PEAK1: variants seen among roughly 807,000 people sequenced by gnomAD.
PEAK1 encodes the protein inactive tyrosine-protein kinase PEAK1.
A neutral mutation model predicts 124.7 loss-of-function variants in PEAK1; 54 were observed. The ratio of observed to expected loss-of-function variants is 0.43; its 90% CI spans 0.35 to 0.54. The LOEUF (loss-of-function observed/expected upper bound fraction) is 0.54. PEAK1 is among the 20% of genes least tolerant of loss of function. The probability of loss-of-function intolerance (pLI) is 0.01; values close to 1 mark genes in which losing one functional copy is unlikely to be tolerated. For synonymous variants in PEAK1, 719 were observed against 760.0 expected, an observed-to-expected ratio of 0.95 and a Z score of 0.89; for missense variants, 2,046 against 2,134.5, an observed-to-expected ratio of 0.96 and a Z score of 0.82.
At chr15:77,414,018 T>C (rs2072627773) in intron 1 of PEAK1, among the ~76,000 whole-genome samples, 1 of 151,982 alleles carries the variant, frequency 6.6e-6, no homozygotes, top group Non-Finnish European at 1.5e-5. Context: ...AGATGAGGCC[T>C]CCCTATGTCG....
At chr15:77,205,565 T>C (rs905110353) in intron 6 of PEAK1, among the ~76,000 whole-genome samples, 1 of 152,186 alleles carries the variant, frequency 6.6e-6, no homozygotes, top group African/African-American at 2.4e-5. Flanking sequence ...GGCTCATGGC[T>C]CTCCTTATCA....
intron 5 of PEAK1, among the ~76,000 whole-genome samples, chr15:77,275,527 C>G (rs900716620): frequency 6.6e-6 from 1 of 151,894 alleles, no homozygotes; most frequent in Admixed American, 6.6e-5. Context: ...ACCATCCTGG[C>G]TAACACGGTG....
intron 6 of PEAK1, among the ~76,000 whole-genome samples, chr15:77,188,369 A>C (rs2057655262): frequency 1.3e-5 from 2 of 152,206 alleles, no homozygotes; most frequent in African/African-American, 2.4e-5. Flanking sequence ...CACCCCTGCA[A>C]AGCAGCACCG....
rs994451676 is a variant in PEAK1 at position 77,112,839 on chromosome 15, A to C, written c.*1317T>G. The C allele has an allele frequency of 6.6e-6, 1 of 152,204 alleles. No individual in the cohort carries two copies. The highest frequency in any genetic ancestry group is 1.5e-5 in the Non-Finnish European group (1 of 68,040). 9.4% of individuals were successfully genotyped at this position (152,204 alleles called of 1,614,324 possible). On this transcript the variant is annotated 3_prime_UTR_variant, in exon 10 of 10. Transcript: ENST00000682557. ...ATATACAGCTAAAAAAATACATACAAAAATTGCACACATATCCATAGAAGG... is the reference window on the plus strand; with the variant it reads ...ATATACAGCTAAAAAAATACATACACAAATTGCACACATATCCATAGAAGG...
rs772953814 is a variant in PEAK1, at chr15:77,133,204, A to G, written c.3878T>C (p.Leu1293Pro). The G allele has an allele frequency of 6.2e-7, 1 of 1,614,208 alleles. No individual in the cohort carries two copies. The highest frequency in any genetic ancestry group is 8.5e-7 in the Non-Finnish European group (1 of 1,180,038). ...CAGTTTCTTCAAGGCATCTGTATGAAGGCTTCGGATTTTACCCACTACTTC... is the reference window on the plus strand; with the variant it reads ...CAGTTTCTTCAAGGCATCTGTATGAGGGCTTCGGATTTTACCCACTACTTC... ...REEVVGKIRS[L>P]HTDALKKLAV... Residue 1293 changes from leucine to proline, a missense_variant, in exon 9 of 10, where the codon CTT becomes CCT. Leu to Pro is a moderately conservative substitution (Grantham distance 98, BLOSUM62 -3). Coordinates refer to ENST00000682557, the MANE Select transcript of PEAK1 (RefSeq NM_001385026.1). The surrounding 1 kb of genome is among the most constrained non-coding windows in gnomAD (Gnocchi z 4.2).
Position 77,180,804 on chromosome 15 carries a change from C to T in PEAK1, c.1123G>A (p.Gly375Arg). Residue 375 changes from glycine (G) to arginine (R), a missense_variant, in exon 7 of 10, where the codon GGA becomes AGA. Physicochemically the swap from Gly to Arg is moderately radical, Grantham distance 125. Coordinates refer to ENST00000682557, the MANE Select transcript of PEAK1 (RefSeq NM_001385026.1). ...ATTTCCTTCATGTCCTTAGAATCTCCTGGGTTACCAGGAGATAATCCCCCA... is the reference window on the plus strand; with the variant it reads ...ATTTCCTTCATGTCCTTAGAATCTCTTGGGTTACCAGGAGATAATCCCCCA... ...CNGGLSPGNP[G>R]DSKDMKEIEP... 6.2e-7 allele frequency: 1 copy of T among 1,613,966 alleles called. No homozygotes were observed. The highest frequency in any genetic ancestry group is 8.5e-7 in the Non-Finnish European group (1 of 1,179,972).
chr15:77,317,218 A>G (rs1157581028), intron 2 of PEAK1, among the ~76,000 whole-genome samples: 3 of 152,198 alleles, frequency 2.0e-5, no homozygotes, highest in Admixed American at 2.0e-4. Context: ...TGGGTGGGGA[A>G]TTTCAGTAAG....
intron 2 of PEAK1, chr15:77,334,532 G>A (rs976533590): frequency 7.0e-5 from 69 of 985,150 alleles, no homozygotes; most frequent in Non-Finnish European, 7.1e-5. Flanking sequence ...TCTTTCATGC[G>A]AGAATTTATG....
intron 7 of PEAK1, among the ~76,000 whole-genome samples, chr15:77,168,876 T>C (rs2056311477): frequency 6.6e-6 from 1 of 152,176 alleles, no homozygotes; most frequent in South Asian, 2.1e-4. Flanking sequence ...CTGGAAGTCC[T>C]AAAGAAACGA....
At chr15:77,268,333 G>A (rs976157564) in intron 5 of PEAK1, among the ~76,000 whole-genome samples, 7 of 152,136 alleles carry the variant, frequency 4.6e-5, no homozygotes, top group Admixed American at 2.0e-4. Context: ...AATTAGCTGG[G>A]TGTGGTGGTG....
chr15:77,289,997 C>G (rs1346549736), intron 2 of PEAK1, among the ~76,000 whole-genome samples: 1 of 151,944 alleles, frequency 6.6e-6, no homozygotes, highest in Admixed American at 6.5e-5. Flanking sequence ...GAGACGGAGT[C>G]TCATTCTGTT....
intron 1 of PEAK1, among the ~76,000 whole-genome samples, chr15:77,371,848 C>T (rs530601340): frequency 9.2e-5 from 14 of 152,284 alleles, no homozygotes; most frequent in Non-Finnish European, 1.5e-4. Flanking sequence ...CGCGCCACTG[C>T]GCTCCAACCC....
intron 5 of PEAK1, among the ~76,000 whole-genome samples, chr15:77,254,874 T>C (rs2061054197): frequency 6.6e-6 from 1 of 152,216 alleles, no homozygotes; most frequent in Admixed American, 6.5e-5. Context: ...TACGTTTACC[T>C]TCTAGTACAG....
intron 1 of PEAK1, chr15:77,417,270 C>T (rs746310663): frequency 4.0e-4 from 333 of 842,064 alleles, no homozygotes; most frequent in Admixed American, 1.5e-3. Flanking sequence ...CTACCTACCA[C>T]CATGCCTGGC....
intron 1 of PEAK1, chr15:77,402,944 A>C: frequency 1.0e-6 from 1 of 985,432 alleles, no homozygotes; most frequent in Non-Finnish European, 1.2e-6. Context: ...TTATGTTTTC[A>C]TGAAGATCAC....
intron 8 of PEAK1, among the ~76,000 whole-genome samples, chr15:77,144,933 C>G (rs369619435): frequency 6.6e-6 from 1 of 152,168 alleles, no homozygotes; most frequent in Non-Finnish European, 1.5e-5. Flanking sequence ...GACCAGACAC[C>G]AAGCTCAGCT....
chr15:77,129,824 T>A (rs1022838676), intron 9 of PEAK1, among the ~76,000 whole-genome samples: 2 of 152,172 alleles, frequency 1.3e-5, no homozygotes, highest in African/African-American at 4.8e-5. Context: ...TAGACTATTA[T>A]AAATTCCCTT....
At chr15:77,175,703 CA>C (rs1360749819) in intron 7 of PEAK1, among the ~76,000 whole-genome samples, 1 of 152,206 alleles carries the variant, frequency 6.6e-6, no homozygotes, top group African/African-American at 2.4e-5. Context: ...GGTGATTCCT[CA>C]GGCATCTAGA....
intron 5 of PEAK1, chr15:77,278,830 G>A: frequency 4.8e-6 from 1 of 206,652 alleles, no homozygotes; most frequent in South Asian, 3.6e-5. Flanking sequence ...AAAATTTTGT[G>A]GGTTTTTTTT....
Sources: gnomAD v4.1 joint callset for allele counts (sites outside exome capture counted in the v4.1 genomes callset) on GRCh38, gnomAD v4.1.1 for gene constraint, Gnocchi (gnomAD v3.1) non-coding constraint, MANE v1.5 for transcripts, NCBI Gene and HGNC (gene_info 2026-07-23, HGNC 2026-07-21) for gene names.